The following ROBO1 variants were observed in gnomAD, a reference collection of about 807,000 sequenced individuals.
The protein encoded by ROBO1 is roundabout guidance receptor 1.
In ROBO1, 149 loss-of-function variants were observed where a neutral mutation model predicts 195.9. That is an observed-to-expected ratio of 0.76 (90% CI 0.67 to 0.87). ROBO1 has a LOEUF of 0.87. Among genes scored for constraint, ROBO1 ranks in the 40% least tolerant of loss-of-function variants. The pLI, the probability that ROBO1 is intolerant of heterozygous loss-of-function variation, is 0.00. For missense variants in ROBO1, 1,933 were observed against 2,068.3 expected, an observed-to-expected ratio of 0.93 and a Z score of 1.27; for synonymous variants, 816 against 733.2, an observed-to-expected ratio of 1.11 and a Z score of -1.82.
chr3:79,339,352 T>C (rs933289147), intron 2 of ROBO1, among the ~76,000 whole-genome samples: 7 of 152,320 alleles, frequency 4.6e-5, no homozygotes, highest in African/African-American at 1.4e-4. Flanking sequence ...CTCATCCCTC[T>C]TACTTCTCTG....
intron 29 of ROBO1, among the ~76,000 whole-genome samples, chr3:78,606,439 A>G (rs1703461413): frequency 6.6e-6 from 1 of 152,110 alleles, no homozygotes; most frequent in African/African-American, 2.4e-5. Flanking sequence ...TCACACATTC[A>G]TGTTCTTTTC....
chr3:79,200,565 G>GTA (rs1475499258), intron 2 of ROBO1, among the ~76,000 whole-genome samples: 2 of 151,802 alleles, frequency 1.3e-5, no homozygotes, highest in African/African-American at 4.8e-5. Flanking sequence ...ACACAGCCTG[G>GTA]ACAGTGTTAC....
chr3:79,729,904 A>G (rs1347731242), intron 1 of ROBO1, among the ~76,000 whole-genome samples: 2 of 152,132 alleles, frequency 1.3e-5, no homozygotes, highest in Non-Finnish European at 2.9e-5. Context: ...AAGTGGCAGT[A>G]CCTCCCAGAA....
At chr3:79,506,647 G>A (rs1047073236) in intron 2 of ROBO1, among the ~76,000 whole-genome samples, 6 of 152,134 alleles carry the variant, frequency 3.9e-5, no homozygotes, top group African/African-American at 1.2e-4. Flanking sequence ...GTTTCACCAT[G>A]TTGGCCAGGA....
chr3:79,648,118 C>T (rs150870103), intron 1 of ROBO1, among the ~76,000 whole-genome samples: 2 of 152,108 alleles, frequency 1.3e-5, no homozygotes, highest in African/African-American at 4.8e-5. Context: ...AACTGAGATA[C>T]CCATACATTA....
At chr3:79,227,543 C>T (rs1164633747) in intron 2 of ROBO1, among the ~76,000 whole-genome samples, 1 of 152,164 alleles carries the variant, frequency 6.6e-6, no homozygotes, top group East Asian at 1.9e-4. Context: ...TTGGCCAGCT[C>T]AGTGAATGTC....
chr3:79,697,944 AT>A (rs1560109777), intron 1 of ROBO1, among the ~76,000 whole-genome samples: 1 of 151,568 alleles, frequency 6.6e-6, no homozygotes, highest in African/African-American at 2.4e-5. Context: ...ATCTTAAAAA[AT>A]CTAATATTTT....
chr3:79,748,305 C>T (rs537485427), intron 1 of ROBO1, among the ~76,000 whole-genome samples: 6 of 152,106 alleles, frequency 3.9e-5, no homozygotes, highest in South Asian at 2.1e-4. Flanking sequence ...ACAAAAGGGA[C>T]GCTTGTGAAA....
chr3:79,307,782 G>A (rs577755323), intron 2 of ROBO1, among the ~76,000 whole-genome samples: 3 of 152,184 alleles, frequency 2.0e-5, no homozygotes, highest in East Asian at 3.9e-4. Context: ...ATTTCATTAG[G>A]AGAAATCCAT....
intron 4 of ROBO1, among the ~76,000 whole-genome samples, chr3:78,896,301 T>C (rs2107420445): frequency 6.6e-6 from 1 of 152,238 alleles, no homozygotes; most frequent in East Asian, 1.9e-4. Context: ...TAAGCCATCA[T>C]ATCCCCAGTG....
chr3:79,390,525 A>G (rs186064530), intron 2 of ROBO1, among the ~76,000 whole-genome samples: 1 of 152,222 alleles, frequency 6.6e-6, no homozygotes, highest in African/African-American at 2.4e-5. Flanking sequence ...GAAGAAAACT[A>G]GGTGTGTGTG....
In ROBO1 at chr3:79,018,263, T is replaced by A. The variant is rs2078004173; in HGVS notation, c.173-79336A>T. 1.3e-5 allele frequency: 12 copies of A among 903,574 alleles called. No individual in the cohort carries two copies. The South Asian group carries it at 1.9e-4, about 14-fold the overall frequency. The allele number at this position is 903,574 out of a possible 1,614,324, so 56.0% of individuals were successfully genotyped here. A position where few individuals can be genotyped will look rare whatever the true frequency, so the allele number is the denominator to read the frequency against. On this transcript the variant is annotated intron_variant, in intron 3 of 30. Transcript: ENST00000464233. ...ACCCCAAATGCGAACTAGGAACATT[T>A]TCGCCTAAAAGTCTAGCAGGAATCG...
intron 4 of ROBO1, among the ~76,000 whole-genome samples, chr3:78,888,610 A>G (rs940052806): frequency 1.3e-5 from 2 of 152,224 alleles, no homozygotes; most frequent in African/African-American, 4.8e-5. Context: ...ACAAACGATT[A>G]TAGAAGTCCT....
intron 2 of ROBO1, among the ~76,000 whole-genome samples, chr3:79,345,600 T>C (rs1378622852): frequency 6.6e-6 from 1 of 152,046 alleles, no homozygotes; most frequent in Admixed American, 6.6e-5. Context: ...GCACACAAAA[T>C]AGGAAAAGAG....
chr3:78,917,433 C>T (rs546977962), intron 4 of ROBO1, among the ~76,000 whole-genome samples: 13 of 151,932 alleles, frequency 8.6e-5, no homozygotes, highest in Non-Finnish European at 1.6e-4. Context: ...AAATAACAAA[C>T]GTTTTTGAAA....
intron 4 of ROBO1, among the ~76,000 whole-genome samples, chr3:78,748,339 G>A (rs1424307854): frequency 3.3e-5 from 5 of 152,048 alleles, no homozygotes; most frequent in South Asian, 2.1e-4. Flanking sequence ...CAGCTACTCC[G>A]GAGGCTGAGG....
At chr3:78,898,380 GTTTT>G (rs773377988) in intron 4 of ROBO1, among the ~76,000 whole-genome samples, 3 of 100,998 alleles carry the variant, frequency 3.0e-5, no homozygotes, top group Non-Finnish European at 5.5e-5. Context: ...GATAGATAGG[GTTTT>G]TTTTTTTTTT....
chr3:79,618,947 C>T (rs887083023), intron 1 of ROBO1, among the ~76,000 whole-genome samples: 21 of 152,182 alleles, frequency 1.4e-4, no homozygotes, highest in African/African-American at 4.3e-4. Context: ...AAAACTCCAG[C>T]GCCAGTCACG....
At chr3:79,717,826 T>A (rs963259266) in intron 1 of ROBO1, among the ~76,000 whole-genome samples, 1 of 152,060 alleles carries the variant, frequency 6.6e-6, no homozygotes, top group Admixed American at 6.6e-5. Context: ...TATTCAGATG[T>A]TTTCATGTAT....
Sources: gnomAD v4.1 joint callset for allele counts (sites outside exome capture counted in the v4.1 genomes callset) on GRCh38, gnomAD v4.1.1 for gene constraint, MANE v1.5 for transcripts, NCBI Gene and HGNC (gene_info 2026-07-23, HGNC 2026-07-21) for gene names.